KLHL29: variants seen among roughly 807,000 people sequenced by gnomAD.
KLHL29 encodes the protein kelch like family member 29, also known as kelch-like protein 29.
A neutral mutation model predicts 80.4 loss-of-function variants in KLHL29; 21 were observed. That is an observed-to-expected ratio of 0.26 (90% CI 0.19 to 0.38). The LOEUF (loss-of-function observed/expected upper bound fraction) is 0.38. Ranked by LOEUF, KLHL29 falls within the 10% of genes least tolerant of loss-of-function variation. The probability of loss-of-function intolerance (pLI) is 1.00; values close to 1 mark genes in which losing one functional copy is unlikely to be tolerated. For missense variants in KLHL29, 867 were observed against 1,223.9 expected (o/e 0.71, Z 4.35); for synonymous variants, 511 against 526.8 (o/e 0.97, Z 0.41).
chr2:23,706,470 TC>T lies in KLHL29; in HGVS notation c.2445-6del. 1 of 1,469,274 alleles carries T rather than the reference TC, an allele frequency of 6.8e-7. No individual in the cohort carries two copies. Among genetic ancestry groups the T allele is most frequent in the East Asian group, 2.6e-5 (1 of 37,738 alleles). 91.0% of individuals were successfully genotyped at this position (1,469,274 alleles called of 1,614,324 possible). ...GAAATGCCTAACTCTGTCCCCGCTT[TC>T]CCCCAACAGTGCTGTGGTGCTTGAT... On this transcript the variant is annotated splice_polypyrimidine_tract_variant and intron_variant, in intron 13 of 13. Transcript: ENST00000486442.
chr2:23,495,086 C>T (rs540801862), intron 2 of KLHL29, among the ~76,000 whole-genome samples: 1 of 152,172 alleles, frequency 6.6e-6, no homozygotes, highest in South Asian at 2.1e-4. Context: ...GTCTTGAACT[C>T]CTGGCCTCAA....
chr2:23,645,856 G>A (rs1669912590), intron 5 of KLHL29, among the ~76,000 whole-genome samples: 1 of 152,202 alleles, frequency 6.6e-6, no homozygotes, highest in African/African-American at 2.4e-5. Context: ...AAGGTGGCGT[G>A]GAAATGCTTT....
intron 6 of KLHL29, chr2:23,690,945 TC>T (rs1671558189): frequency 6.5e-6 from 1 of 153,038 alleles, no homozygotes; most frequent in Non-Finnish European, 1.5e-5. Flanking sequence ...GACCCCGTGT[TC>T]CATGTGGCAG....
intron 2 of KLHL29, among the ~76,000 whole-genome samples, chr2:23,532,213 C>T (rs1666512413): frequency 1.3e-5 from 2 of 152,222 alleles, no homozygotes; most frequent in Admixed American, 1.3e-4. Context: ...TTGACATGTG[C>T]TGCCTGGTCT....
Position 23,706,912 on chromosome 2 carries a change from A to G in KLHL29, c.*248A>G. ...CCATGGGGCTGGCTGCCTCCTGAAC[A>G]GGGGCGCTCGCTCTGCCAGGTGCAA... On this transcript the variant is annotated 3_prime_UTR_variant, in exon 14 of 14. Transcript: ENST00000486442. The G allele has an allele frequency of 2.4e-6, 1 of 416,678 alleles. No individual in the cohort carries two copies. Among genetic ancestry groups the G allele is most frequent in the Non-Finnish European group, 4.2e-6 (1 of 235,986 alleles). 25.8% of individuals were successfully genotyped at this position (416,678 alleles called of 1,614,324 possible). A position where few individuals can be genotyped will look rare whatever the true frequency, so the allele number is the denominator to read the frequency against.
At chr2:23,579,279 T>C (rs1439700939) in intron 3 of KLHL29, among the ~76,000 whole-genome samples, 2 of 152,218 alleles carry the variant, frequency 1.3e-5, no homozygotes, top group Non-Finnish European at 2.9e-5. Flanking sequence ...ATACGTGGTA[T>C]TATGGAAACG....
chr2:23,695,550 C>A lies in KLHL29; in HGVS notation c.1543-73C>A, dbSNP rs531178943. On this transcript the variant is annotated intron_variant, in intron 8 of 13. Coordinates refer to ENST00000486442, the MANE Select transcript of KLHL29 (RefSeq NM_052920.2). This position sits in a 1 kb window ranked among gnomAD's most constrained non-coding sequence, Gnocchi z 7.6. ...AATTATCCATTCTTGTGCAGCCCCA[C>A]ACCATTTCTTTCCGTCCGGGAGGTG... The A allele has an allele frequency of 6.7e-6, 7 of 1,047,610 alleles. No homozygotes were observed. The highest frequency in any genetic ancestry group is 8.3e-6 in the Non-Finnish European group (6 of 726,250). The allele number at this position is 1,047,610 out of a possible 1,614,324, so 64.9% of individuals were successfully genotyped here. A position where few individuals can be genotyped will look rare whatever the true frequency, so the allele number is the denominator to read the frequency against.
At chr2:23,582,521 AGCCTCCTGAGATTGTCCT>A (rs1274775774) in intron 3 of KLHL29, among the ~76,000 whole-genome samples, 3 of 152,174 alleles carry the variant, frequency 2.0e-5, no homozygotes, top group Non-Finnish European at 4.4e-5. Flanking sequence ...TTGCTTTCTC[AGCCTCCTGAGATTGTCCT>A]GCCCCTCCAG....
intron 1 of KLHL29, among the ~76,000 whole-genome samples, chr2:23,409,885 C>A (rs868424713): frequency 6.6e-6 from 1 of 152,112 alleles, no homozygotes; most frequent in Non-Finnish European, 1.5e-5. Flanking sequence ...GGGAACTGAT[C>A]TGAGATTTAA....
intron 5 of KLHL29, among the ~76,000 whole-genome samples, chr2:23,676,954 T>C (rs1180127887): frequency 1.3e-5 from 2 of 152,122 alleles, no homozygotes; most frequent in Non-Finnish European, 2.9e-5. Context: ...GGTGAATCTG[T>C]GACTAGATCT....
At chr2:23,604,738 C>T (rs731806) in intron 3 of KLHL29, among the ~76,000 whole-genome samples, 57,650 of 152,008 alleles carry the variant, frequency 0.38, 11,335 homozygotes, top group East Asian at 0.65. Context: ...GAAAGGAGGA[C>T]CTTCTGAGGT....
intron 3 of KLHL29, among the ~76,000 whole-genome samples, chr2:23,636,185 A>G (rs1669603539): frequency 6.6e-6 from 1 of 152,124 alleles, no homozygotes; most frequent in South Asian, 2.1e-4. Flanking sequence ...GACGCACATC[A>G]CCAGTGGCTC....
chr2:23,557,296 T>C (rs1667322191), intron 2 of KLHL29, among the ~76,000 whole-genome samples: 2 of 152,162 alleles, frequency 1.3e-5, no homozygotes, highest in Non-Finnish European at 2.9e-5. Context: ...CCACCTTTGG[T>C]CCTTTAACTG....
At chr2:23,637,994 C>A (rs1353513149) in intron 3 of KLHL29, among the ~76,000 whole-genome samples, 5 of 151,500 alleles carry the variant, frequency 3.3e-5, no homozygotes, top group African/African-American at 1.2e-4. Context: ...TCTACTGACA[C>A]CCACACCTGT....
intron 2 of KLHL29, among the ~76,000 whole-genome samples, chr2:23,545,873 C>T (rs1435928957): frequency 1.3e-5 from 2 of 152,222 alleles, no homozygotes; most frequent in Non-Finnish European, 2.9e-5. Context: ...ACAGCTTTCT[C>T]TGGACTCCCT....
At chr2:23,622,777 T>C (rs924602094) in intron 3 of KLHL29, among the ~76,000 whole-genome samples, 14 of 152,230 alleles carry the variant, frequency 9.2e-5, no homozygotes, top group Admixed American at 7.2e-4. Context: ...CTTCCACATA[T>C]AGCACCCACG....
At chr2:23,430,833 G>A (rs1207227928) in intron 1 of KLHL29, among the ~76,000 whole-genome samples, 5 of 152,232 alleles carry the variant, frequency 3.3e-5, no homozygotes, top group African/African-American at 1.2e-4. Flanking sequence ...CCATTTTACA[G>A]ATGGTAAAAC....
At chr2:23,481,259 T>C (rs1664790189) in intron 2 of KLHL29, among the ~76,000 whole-genome samples, 2 of 152,216 alleles carry the variant, frequency 1.3e-5, no homozygotes, top group Non-Finnish European at 2.9e-5. Context: ...GGCCCACCTG[T>C]AGCCTGTGTA....
At chr2:23,460,534 T>TTC (rs1664180581) in intron 1 of KLHL29, among the ~76,000 whole-genome samples, 1 of 151,982 alleles carries the variant, frequency 6.6e-6, no homozygotes, top group Non-Finnish European at 1.5e-5. Flanking sequence ...CAAACAAGAA[T>TTC]GGGGTGAAAA....
Sources: allele counts gnomAD v4.1 joint callset (sites outside exome capture counted in the v4.1 genomes callset), GRCh38; gene constraint gnomAD v4.1.1; non-coding constraint Gnocchi (gnomAD v3.1); transcripts MANE v1.5; gene names NCBI Gene and HGNC (gene_info 2026-07-23, HGNC 2026-07-21).